The following SPEG variants were observed in gnomAD, a reference collection of about 807,000 sequenced individuals.
SPEG encodes striated muscle preferentially expressed protein kinase.
Under a neutral mutation model 300.4 loss-of-function variants are expected in SPEG, and 114 were observed. The ratio of observed to expected loss-of-function variants is 0.38; its 90% CI spans 0.33 to 0.44. The LOEUF (loss-of-function observed/expected upper bound fraction) is 0.44, where lower values mean the gene tolerates loss of function less well. Among genes scored for constraint, SPEG ranks in the 20% least tolerant of loss-of-function variants. SPEG has a pLI of 1.00. For missense variants in SPEG, 4,201 were observed against 4,586.2 expected (o/e 0.92, Z 2.43); for synonymous variants, 1,964 against 2,018.9 (o/e 0.97, Z 0.73).
At chr2:219,461,034 G>A (rs930579246) in intron 6 of SPEG, 94 of 968,904 alleles carry the variant, frequency 9.7e-5, no homozygotes, top group Non-Finnish European at 1.1e-4. Context: ...GCTTGGGGTG[G>A]GGGGACCCTG....
At chr2:219,447,387 A>G (rs1016349331) in intron 3 of SPEG, among the ~76,000 whole-genome samples, 1 of 152,158 alleles carries the variant, frequency 6.6e-6, no homozygotes, top group Non-Finnish European at 1.5e-5. Flanking sequence ...GGCGGCAGGT[A>G]TAGGCTCAGG....
rs1432423584 is a variant in SPEG, at chr2:219,444,943, G to A, written c.597G>A (p.Ala199=). 3.8e-6 allele frequency: 6 copies of A among 1,592,120 alleles called. No homozygotes were observed. Among genetic ancestry groups the A allele is most frequent in the African/African-American group, 2.7e-5 (2 of 74,634 alleles). Residue 199 remains alanine (A), a synonymous_variant, in exon 3 of 41, where the codon GCG becomes GCA. Coordinates refer to ENST00000312358, the MANE Select transcript of SPEG (RefSeq NM_005876.5). The surrounding 1 kb of genome is among the most constrained non-coding windows in gnomAD (Gnocchi z 7.8). ...GGCAGACGGTCCTGGAGCAGGAAGC[G>A]GGCAGTGGGGGTGGCACCCGCCGCC... ...GSGQTVLEQE[A]GSGGGTRRLP...
At position 219,479,312 on chromosome 2, in the gene SPEG, G is replaced by A. The variant is rs535879636; in HGVS notation, c.5085+111G>A. ...TGCCATCTGTGCCCACAGGAAGCCA[G>A]GGGTGGAGGTGGAGAGCACTGTTAG... is the stretch of plus-strand genomic sequence containing the variant. On this transcript the variant is annotated intron_variant, in intron 23 of 40. Transcript: ENST00000312358. This position sits in a 1 kb window ranked among gnomAD's most constrained non-coding sequence, Gnocchi z 5.5. The A allele has an allele frequency of 1.1e-4, 98 of 885,478 alleles. No homozygotes were observed. In the African/African-American group the frequency reaches 1.4e-3, roughly 13 times the overall value. The allele number at this position is 885,478 out of a possible 1,614,324, so 54.9% of individuals were successfully genotyped here.
At position 219,483,284 on chromosome 2, in the gene SPEG, C is replaced by T; in HGVS notation, c.5821C>T (p.Pro1941Ser). 6.2e-7 allele frequency: 1 copy of T among 1,606,950 alleles called. No individual in the cohort carries two copies. Residue 1941 changes from proline to serine, a missense_variant, in exon 30 of 41, where the codon CCC (proline) becomes TCC (serine). By Grantham distance (74) the Pro-to-Ser change is moderately conservative. Coordinates refer to ENST00000312358, the MANE Select transcript of SPEG (RefSeq NM_005876.5). ...ELPSVPRPLQ[P>S]EFSGSRVSLT... ...GCCCTCAGTGCCCCGCCCACTGCAG[C>T]CCGAGTTCTCTGGCTCCCGGGTGTC...
rs1396599467 is a variant in SPEG, at chr2:219,491,939, A to G, written c.9461+70A>G. On this transcript the variant is annotated intron_variant, in intron 39 of 40. Coordinates refer to ENST00000312358, the MANE Select transcript of SPEG (RefSeq NM_005876.5). ...GAGCTCCCGGACTCACCTTCTGCCAACACCCTCTCCCCCGTGCCCCACCTC... is the reference window on the plus strand; with the variant it reads ...GAGCTCCCGGACTCACCTTCTGCCAGCACCCTCTCCCCCGTGCCCCACCTC... 6 of 1,426,512 alleles carry G rather than the reference A, an allele frequency of 4.2e-6. No homozygotes were observed. The East Asian group carries it at 1.4e-4, about 34-fold the overall frequency. The allele number at this position is 1,426,512 out of a possible 1,614,324, so 88.4% of individuals were successfully genotyped here.
chr2:219,461,067 C>A (rs1342585443), intron 6 of SPEG: 9 of 931,778 alleles, frequency 9.7e-6, no homozygotes, highest in Non-Finnish European at 1.2e-5. Context: ...GGGGCTGTGG[C>A]AGTTTCATGT....
rs1314517762 is a variant in SPEG at position 219,480,044 on chromosome 2, C to T, written c.5246C>T (p.Thr1749Ile). The T allele has an allele frequency of 6.2e-7, 1 of 1,614,024 alleles. No individual in the cohort carries two copies. Among genetic ancestry groups the T allele is most frequent in the African/African-American group, 1.3e-5 (1 of 74,938 alleles). ...GACTTTGGGAATGCCCAGGAGCTGA[C>T]TCCAGGAGAGCCCCAGTACTGCCAG... The part of the protein sequence containing the change: ...ICDFGNAQEL[T>I]PGEPQYCQYG... The change falls in exon 25 of 41, where the codon ACT becomes ATT. Residue 1749 changes from threonine (T) to isoleucine (I), a missense_variant. Thr to Ile is a moderately conservative substitution (Grantham distance 89). Coordinates refer to ENST00000312358, the MANE Select transcript of SPEG (RefSeq NM_005876.5). This position sits in a 1 kb window ranked among gnomAD's most constrained non-coding sequence, Gnocchi z 5.3.
Position 219,484,971 on chromosome 2 carries a change from G to A in SPEG, c.7508G>A (p.Arg2503His). 6.5e-7 allele frequency: 1 copy of A among 1,530,024 alleles called. No homozygotes were observed. The highest frequency in any genetic ancestry group is 8.7e-7 in the Non-Finnish European group (1 of 1,144,430). 94.8% of individuals were successfully genotyped at this position (1,530,024 alleles called of 1,614,324 possible). Residue 2503 changes from arginine (R) to histidine (H), a missense_variant, in exon 30 of 41, where the codon CGC (arginine) becomes CAC (histidine). Coordinates refer to ENST00000312358, the MANE Select transcript of SPEG (RefSeq NM_005876.5). ...ACGTCCGAGGGCGAGAGTCTGCGGC[G>A]CCTTGGCCTTCCGCACAACCAGTTG... is the stretch of plus-strand genomic sequence containing the variant. The part of the protein sequence containing the change: ...RATSEGESLR[R>H]LGLPHNQLAA...
At chr2:219,456,705 T>A (rs1191298262) in intron 6 of SPEG, among the ~76,000 whole-genome samples, 1 of 152,062 alleles carries the variant, frequency 6.6e-6, no homozygotes. Flanking sequence ...GTCAGGAGTA[T>A]GAGACCAGCC....
At chr2:219,456,515 G>C (rs925214470) in intron 6 of SPEG, among the ~76,000 whole-genome samples, 3 of 152,176 alleles carry the variant, frequency 2.0e-5, no homozygotes, top group Non-Finnish European at 4.4e-5. Flanking sequence ...TACCTAGAAC[G>C]GGGGCCATCA....
rs764968249 is a variant in SPEG, at chr2:219,461,975, C to T, written c.2534C>T (p.Pro845Leu). Reference protein sequence around the residue: ...EEFPEPGETWPRTPTMKPSPS... With the variant: ...EEFPEPGETWLRTPTMKPSPS... The stretch of plus-strand genomic sequence containing the variant: ...TTCCCAGAGCCTGGGGAGACCTGGC[C>T]GCGAACCCCCACCATGAAGCCCAGT... The change falls in exon 7 of 41, where the codon CCG becomes CTG. Residue 845 changes from proline to leucine, a missense_variant. Coordinates refer to ENST00000312358, the MANE Select transcript of SPEG (RefSeq NM_005876.5). 25 of 1,613,672 alleles carry T rather than the reference C, an allele frequency of 1.5e-5. No homozygotes were observed. The highest frequency in any genetic ancestry group is 5.5e-5 in the South Asian group (5 of 91,058).
At chr2:219,491,916 G>A (rs748985953) in intron 39 of SPEG, 47 bp downstream of exon 39, 11 of 1,505,582 alleles carry the variant, frequency 7.3e-6, no homozygotes, top group Non-Finnish European at 9.0e-6. Flanking sequence ...CATACAGTGA[G>A]CTCCCGGACT....
chr2:219,434,926 GC>G lies in SPEG; in HGVS notation c.-47del, dbSNP rs1954672898. The stretch of plus-strand genomic sequence containing the variant: ...TCTCCTAGGGCACCGTCCCGCGGGT[GC>G]CCCCGTGGCCGCCCAGTTCCGGCGT... On this transcript the variant is annotated 5_prime_UTR_variant, in exon 1 of 41. Coordinates refer to ENST00000312358, the MANE Select transcript of SPEG (RefSeq NM_005876.5). 1.1e-5 allele frequency: 15 copies of G among 1,384,258 alleles called. No individual in the cohort carries two copies. The East Asian group carries it at 3.3e-4, about 30-fold the overall frequency. The allele number at this position is 1,384,258 out of a possible 1,614,324, so 85.7% of individuals were successfully genotyped here.
At chr2:219,490,016 A>C (rs1693816733) in intron 36 of SPEG, 77 bp downstream of exon 36, 1 of 1,488,462 alleles carries the variant, frequency 6.7e-7, no homozygotes, top group South Asian at 1.4e-5. Flanking sequence ...CGGAGAGAAG[A>C]CCAGACTGTC....
rs1575106650 is a variant in SPEG, at chr2:219,464,331, C to T, written c.2706-102C>T. On this transcript the variant is annotated intron_variant, in intron 8 of 40. Transcript: ENST00000312358. The surrounding 1 kb of genome is among the most constrained non-coding windows in gnomAD (Gnocchi z 4.5). ...GGGACAGATCTGGGGACTGGGCAAA[C>T]TGCACAGGGAAGGAGAGGCCTGCAC... 1.6e-6 allele frequency: 2 copies of T among 1,287,772 alleles called. No homozygotes were observed. Among genetic ancestry groups the T allele is most frequent in the East Asian group, 2.3e-5 (1 of 42,572 alleles). 79.8% of individuals were successfully genotyped at this position (1,287,772 alleles called of 1,614,324 possible). A position where few individuals can be genotyped will look rare whatever the true frequency, so the allele number is the denominator to read the frequency against.
chr2:219,449,373 C>T (rs1384233528), intron 4 of SPEG, 102 bp downstream of exon 4: 15 of 943,624 alleles, frequency 1.6e-5, no homozygotes, highest in Non-Finnish European at 2.0e-5. Context: ...GGGGGTTTCG[C>T]CTGGGGCTGC....
At chr2:219,457,267 C>G (rs1177592673) in intron 6 of SPEG, among the ~76,000 whole-genome samples, 1 of 152,166 alleles carries the variant, frequency 6.6e-6, no homozygotes, top group Admixed American at 6.5e-5. Context: ...TCACTCCCTT[C>G]CTCAAGAATC....
At position 219,484,307 on chromosome 2, in the gene SPEG, G is replaced by A; in HGVS notation, c.6844G>A (p.Val2282Met). 1 of 1,605,578 alleles carries A rather than the reference G, an allele frequency of 6.2e-7. No homozygotes were observed. The highest frequency in any genetic ancestry group is 8.5e-7 in the Non-Finnish European group (1 of 1,178,996). The change falls in exon 30 of 41, where the codon GTG becomes ATG. Residue 2282 changes from valine (V) to methionine (M), a missense_variant. Around this residue, in one of 4 missense-constraint regions of SPEG, gnomAD observed 1,578 missense variants for 1,506.0 expected, o/e 1.05. Transcript: ENST00000312358. The stretch of plus-strand genomic sequence containing the variant: ...GCCCCACGCTGCTGTCTTTGCCAGG[G>A]TGGCCTCCCCACCTCCGGGAGCCCC... ...PKPHAAVFAR[V>M]ASPPPGAPEK... is the part of the protein sequence containing the mutation.
chr2:219,446,642 C>G (rs1192135032), intron 3 of SPEG, among the ~76,000 whole-genome samples: 1 of 152,202 alleles, frequency 6.6e-6, no homozygotes, highest in Non-Finnish European at 1.5e-5. Flanking sequence ...CACCCTACTA[C>G]TTGTCCTCCC....
Sources: allele counts gnomAD v4.1 joint callset (sites outside exome capture counted in the v4.1 genomes callset), GRCh38; gene constraint gnomAD v4.1.1; regional missense constraint gnomAD v4.1.1; non-coding constraint Gnocchi (gnomAD v3.1); transcripts MANE v1.5; gene names NCBI Gene and HGNC (gene_info 2026-07-23, HGNC 2026-07-21).